The following PCDHA7 variants were observed in gnomAD, a reference collection of about 807,000 sequenced individuals.
PCDHA7 encodes the protein protocadherin alpha-7.
PCDHA7 carries 37 observed loss-of-function variants against 57.2 expected under a neutral mutation model. The ratio of observed to expected loss-of-function variants is 0.65; its 90% CI spans 0.50 to 0.85. The LOEUF (loss-of-function observed/expected upper bound fraction) is 0.85. Among genes scored for constraint, PCDHA7 ranks in the 40% least tolerant of loss-of-function variants. PCDHA7 has a pLI of 0.00. For synonymous variants in PCDHA7, 553 were observed against 558.8 expected, an observed-to-expected ratio of 0.99 and a Z score of 0.15; for missense variants, 1,188 against 1,241.8, an observed-to-expected ratio of 0.96 and a Z score of 0.65.
intron 1 of PCDHA7, chr5:140,929,554 C>A (rs899446101): frequency 6.1e-6 from 3 of 488,410 alleles, no homozygotes; most frequent in African/African-American, 4.0e-5. Flanking sequence ...AAAATTAAAA[C>A]CTATTTAAGA....
intron 1 of PCDHA7, among the ~76,000 whole-genome samples, chr5:140,914,423 G>T (rs1293093692): frequency 3.3e-5 from 5 of 152,086 alleles, no homozygotes; most frequent in African/African-American, 1.2e-4. Context: ...CCATTAGCAA[G>T]GAATATCTTT....
rs1336398509 is a variant in PCDHA7 at position 140,898,765 on chromosome 5, G to A, written c.2355+62027G>A. On this transcript the variant is annotated intron_variant, in intron 1 of 3. Transcript: ENST00000525929. ...GCTTGATGGGGATGGCATTGAATCT[G>A]TAAATTACCTTGGGCAGTATGGCCA... 8.0e-3 allele frequency among the ~76,000 whole-genome samples: 1,218 copies of A among 151,752 alleles called. 6 individuals are homozygous for A. The highest frequency in any genetic ancestry group is 0.019 in the African/African-American group (786 of 41,220).
chr5:140,869,963 A>G lies in PCDHA7; in HGVS notation c.2355+33225A>G, dbSNP rs782588471. 11 of 1,613,128 alleles carry G rather than the reference A, an allele frequency of 6.8e-6. No homozygotes were observed. Among genetic ancestry groups the G allele is most frequent in the East Asian group, 2.2e-5 (1 of 44,874 alleles). On this transcript the variant is annotated intron_variant, in intron 1 of 3. Coordinates refer to ENST00000525929, the MANE Select transcript of PCDHA7 (RefSeq NM_018910.3). ...TACTCCTTAATGTCAATTAAGCCCA[A>G]TGGAAGACACTTATTTACACTAGAT...
At chr5:140,927,064 C>T (rs1409465902) in intron 1 of PCDHA7, 2 of 1,611,234 alleles carry the variant, frequency 1.2e-6, no homozygotes, top group Admixed American at 1.7e-5. Flanking sequence ...CTTTCGCTTC[C>T]TTTCCAGCCA....
At chr5:141,007,535 T>C (rs1588169762) in intron 3 of PCDHA7, among the ~76,000 whole-genome samples, 1 of 152,050 alleles carries the variant, frequency 6.6e-6, no homozygotes, top group South Asian at 2.1e-4. Context: ...GCCACTGCAC[T>C]CCAGCTTGGG....
At chr5:140,962,565 C>G (rs2095693012) in intron 1 of PCDHA7, among the ~76,000 whole-genome samples, 1 of 152,130 alleles carries the variant, frequency 6.6e-6, no homozygotes, top group African/African-American at 2.4e-5. Flanking sequence ...CCCCTAAAAG[C>G]CAATTGTTAA....
intron 1 of PCDHA7, among the ~76,000 whole-genome samples, chr5:140,923,489 A>G (rs549066009): frequency 2.2e-4 from 34 of 152,300 alleles, no homozygotes; most frequent in African/African-American, 7.5e-4. Context: ...TCTTCACACC[A>G]CTGCACTCCA....
At chr5:140,902,914 G>A (rs560076660) in intron 1 of PCDHA7, among the ~76,000 whole-genome samples, 14 of 152,306 alleles carry the variant, frequency 9.2e-5, no homozygotes, top group African/African-American at 2.9e-4. Context: ...TGGCTGAGTA[G>A]TATTGCATGG....
intron 3 of PCDHA7, among the ~76,000 whole-genome samples, chr5:140,986,303 A>G (rs2097193977): frequency 6.6e-6 from 1 of 152,166 alleles, no homozygotes; most frequent in South Asian, 2.1e-4. Context: ...CAGAGAGAGA[A>G]AATTAGCTAA....
At chr5:140,896,000 AG>A (rs1239259521) in intron 1 of PCDHA7, among the ~76,000 whole-genome samples, 1 of 152,064 alleles carries the variant, frequency 6.6e-6, no homozygotes, top group Non-Finnish European at 1.5e-5. Flanking sequence ...AAGTAGAGAC[AG>A]GGTTTCTCCA....
chr5:140,927,073 C>T (rs782173390), intron 1 of PCDHA7: 11 of 1,611,108 alleles, frequency 6.8e-6, no homozygotes, highest in Middle Eastern at 1.7e-4. Context: ...CCTTTCCAGC[C>T]ACCGCGAGCT....
At chr5:140,842,005 G>T in intron 1 of PCDHA7, 1 of 1,613,756 alleles carries the variant, frequency 6.2e-7, no homozygotes, top group Admixed American at 1.7e-5. Flanking sequence ...CTGTTCAGCT[G>T]CTGGTCACAG....
At chr5:140,877,438 G>A (rs1554169741) in intron 1 of PCDHA7, 1 of 1,613,892 alleles carries the variant, frequency 6.2e-7, no homozygotes, top group South Asian at 1.1e-5. Context: ...GGACCACGGT[G>A]AGCCCGCGCT....
At chr5:140,967,921 C>G (rs781932025) in intron 1 of PCDHA7, 1 of 1,614,172 alleles carries the variant, frequency 6.2e-7, no homozygotes, top group East Asian at 2.2e-5. Flanking sequence ...CCATTGTGGC[C>G]GTTCTCAGTG....
intron 1 of PCDHA7, among the ~76,000 whole-genome samples, chr5:140,916,305 G>T (rs2077519382): frequency 1.3e-5 from 2 of 152,156 alleles, no homozygotes; most frequent in South Asian, 2.1e-4. Context: ...TGGTACCAAA[G>T]GTGCAAGACA....
chr5:140,870,201 G>C lies in PCDHA7; in HGVS notation c.2355+33463G>C, dbSNP rs370139733. 2.5e-4 allele frequency: 410 copies of C among 1,614,022 alleles called. 1 individual carries two copies. Among genetic ancestry groups the C allele is most frequent in the Non-Finnish European group, 5.8e-5 (69 of 1,180,034 alleles). ...TACGAGAGGACGCTCAGCCCAGCAC[G>C]GTCATTGCCCTGATCAGCGTGTCTG... On this transcript the variant is annotated intron_variant, in intron 1 of 3. Coordinates refer to ENST00000525929, the MANE Select transcript of PCDHA7 (RefSeq NM_018910.3).
intron 3 of PCDHA7, among the ~76,000 whole-genome samples, chr5:141,007,101 A>T (rs1412645072): frequency 6.6e-5 from 10 of 152,188 alleles, no homozygotes; most frequent in African/African-American, 1.7e-4. Flanking sequence ...TCTAGGGCCA[A>T]ACCCAAGGAA....
intron 1 of PCDHA7, chr5:140,851,502 T>C (rs1581260413): frequency 6.6e-6 from 6 of 903,186 alleles, no homozygotes; most frequent in Middle Eastern, 1.2e-3. Context: ...TTTCAACTTA[T>C]ATAAAATATG....
chr5:140,969,672 A>C (rs1251717537), intron 1 of PCDHA7, among the ~76,000 whole-genome samples: 2 of 152,198 alleles, frequency 1.3e-5, no homozygotes, highest in African/African-American at 4.8e-5. Context: ...TAATGTTATG[A>C]GACTCAAGGA....
Sources: allele counts gnomAD v4.1 joint callset (sites outside exome capture counted in the v4.1 genomes callset), GRCh38; gene constraint gnomAD v4.1.1; transcripts MANE v1.5; gene names NCBI Gene and HGNC (gene_info 2026-07-23, HGNC 2026-07-21).